Variants in ZNF850 observed in about 807,000 individuals in gnomAD.
The protein encoded by ZNF850 is zinc finger protein 850.
Under a neutral mutation model 11.9 loss-of-function variants are expected in ZNF850, and 2 were observed. The observed-to-expected ratio is 0.17, with a 90% CI of 0.07 to 0.53. ZNF850 has a LOEUF of 0.53. Among genes scored for constraint, ZNF850 ranks in the 20% least tolerant of loss-of-function variants. The pLI is 0.94. For missense variants in ZNF850, 1,014 were observed against 1,316.4 expected, an observed-to-expected ratio of 0.77 and a Z score of 3.55; for synonymous variants, 381 against 443.0, an observed-to-expected ratio of 0.86 and a Z score of 1.76.
At chr19:36,764,253 ATAAAG>A (rs562298536) in intron 1 of ZNF850, among the ~76,000 whole-genome samples, 269 of 152,262 alleles carry the variant, frequency 1.8e-3, no homozygotes, top group African/African-American at 6.1e-3. Context: ...AAAAAATAAA[ATAAAG>A]TAAAATAAAA....
At chr19:36,767,557 C>T (rs938133392) in intron 1 of ZNF850, among the ~76,000 whole-genome samples, 10 of 144,724 alleles carry the variant, frequency 6.9e-5, no homozygotes, top group African/African-American at 2.3e-4. Flanking sequence ...AACTCTATCT[C>T]AAAAAAAAAA....
At chr19:36,752,600 C>G (rs1383270519) in intron 4 of ZNF850, among the ~76,000 whole-genome samples, 1 of 152,018 alleles carries the variant, frequency 6.6e-6, no homozygotes, top group African/African-American at 2.4e-5. Context: ...CAGAAACAAC[C>G]AGATATGTGC....
At chr19:36,755,549 C>T (rs918977098) in intron 4 of ZNF850, among the ~76,000 whole-genome samples, 1 of 151,938 alleles carries the variant, frequency 6.6e-6, no homozygotes, top group African/African-American at 2.4e-5. Flanking sequence ...TAAGTGATGA[C>T]AATAAAAATT....
chr19:36,747,728 A>G lies in ZNF850; in HGVS notation c.*39T>C. 6.9e-7 allele frequency: 1 copy of G among 1,452,282 alleles called. No homozygotes were observed. The highest frequency in any genetic ancestry group is 1.4e-5 in the South Asian group (1 of 69,728). 90.0% of individuals were successfully genotyped at this position (1,452,282 alleles called of 1,614,324 possible). On this transcript the variant is annotated 3_prime_UTR_variant, in exon 5 of 5. Transcript: ENST00000591344. The stretch of plus-strand genomic sequence containing the variant: ...GACCCACATATGGAATCTGCTGATG[A>G]TCCATGACAAATGGCATGAGAACAG...
chr19:36,746,652 G>A lies in ZNF850; in HGVS notation c.*1115C>T, dbSNP rs1478675618. On this transcript the variant is annotated 3_prime_UTR_variant, in exon 5 of 5. Coordinates refer to ENST00000591344, the MANE Select transcript of ZNF850 (RefSeq NM_001193552.2). ...GGCGTGAGCCACCACGCCCGGCTTG[G>A]AATTTCTAATATAAATTGCCCACTG... 1 of 151,960 alleles carries A rather than the reference G, an allele frequency of 6.6e-6. No individual in the cohort carries two copies. Among genetic ancestry groups the A allele is most frequent in the Non-Finnish European group, 1.5e-5 (1 of 68,020 alleles). 9.4% of individuals were successfully genotyped at this position (151,960 alleles called of 1,614,324 possible).
Position 36,762,692 on chromosome 19 carries a change from C to G in ZNF850, c.-69-17G>C, listed in dbSNP as rs1568738575. The G allele has an allele frequency of 7.4e-7, 1 of 1,342,340 alleles. No homozygotes were observed. The highest frequency in any genetic ancestry group is 1.4e-5 in the African/African-American group (1 of 69,048). 83.2% of individuals were successfully genotyped at this position (1,342,340 alleles called of 1,614,324 possible). On this transcript the variant is annotated splice_polypyrimidine_tract_variant and intron_variant, in intron 1 of 4. Transcript: ENST00000591344. ...TGGTTAGAGCTGGGAATGAATAAAA[C>G]ACATTGATATATTATTTCCCAAATA...
chr19:36,743,496 T>C lies in ZNF850; in HGVS notation c.*4271A>G, dbSNP rs2040393811. The C allele has an allele frequency of 6.6e-6, 1 of 151,896 alleles. No homozygotes were observed. Among genetic ancestry groups the C allele is most frequent in the Non-Finnish European group, 1.5e-5 (1 of 68,004 alleles). The allele number at this position is 151,896 out of a possible 1,614,324, so 9.4% of individuals were successfully genotyped here. ...AGGCATATAGAAAGGAATAGGCAAATACTTTTATTTACAAATAATACCAAC... is the reference window on the plus strand; with the variant it reads ...AGGCATATAGAAAGGAATAGGCAAACACTTTTATTTACAAATAATACCAAC... On this transcript the variant is annotated 3_prime_UTR_variant, in exon 5 of 5. Transcript: ENST00000591344.
chr19:36,751,863 A>G (rs2040456306), intron 4 of ZNF850, among the ~76,000 whole-genome samples: 1 of 152,132 alleles, frequency 6.6e-6, no homozygotes, highest in Non-Finnish European at 1.5e-5. Context: ...ATTAATTATG[A>G]CAAATGTACA....
intron 4 of ZNF850, among the ~76,000 whole-genome samples, chr19:36,756,071 AAT>A (rs1304148188): frequency 6.6e-6 from 1 of 151,786 alleles, no homozygotes; most frequent in Non-Finnish European, 1.5e-5. Flanking sequence ...ACACCCAGCT[AAT>A]GTTTGTGTTT....
chr19:36,746,211 T>C lies in ZNF850; in HGVS notation c.*1556A>G, dbSNP rs1364968108. 1 of 152,158 alleles carries C rather than the reference T, an allele frequency of 6.6e-6. No individual in the cohort carries two copies. The highest frequency in any genetic ancestry group is 2.4e-5 in the African/African-American group (1 of 41,440). 9.4% of individuals were successfully genotyped at this position (152,158 alleles called of 1,614,324 possible). On this transcript the variant is annotated 3_prime_UTR_variant, in exon 5 of 5. Coordinates refer to ENST00000591344, the MANE Select transcript of ZNF850 (RefSeq NM_001193552.2). ...ATGTGCTCACTTTGTATCTGTGTCA[T>C]ATTTGGATGATCCCAACAATATTTC...
chr19:36,750,608 A>G lies in ZNF850; in HGVS notation c.432T>C (p.Thr144=). 6.5e-7 allele frequency: 1 copy of G among 1,536,112 alleles called. No homozygotes were observed. The highest frequency in any genetic ancestry group is 8.7e-7 in the Non-Finnish European group (1 of 1,146,920). Residue 144 remains threonine (T), a synonymous_variant, in exon 5 of 5, where the codon ACT becomes ACC. Transcript: ENST00000591344. ...GGCAGAAAGTTGGTGTTGTTTCATAAGTCATTATTGCTTTTTCCAAATATC... is the reference window on the plus strand; with the variant it reads ...GGCAGAAAGTTGGTGTTGTTTCATAGGTCATTATTGCTTTTTCCAAATATC... The part of the protein sequence containing the change: ...QERYLEKAIM[T]YETTPTFCLQ...
chr19:36,755,503 G>A (rs1375109292), intron 4 of ZNF850, among the ~76,000 whole-genome samples: 1 of 152,092 alleles, frequency 6.6e-6, no homozygotes, highest in Non-Finnish European at 1.5e-5. Flanking sequence ...TTACAGGCAT[G>A]AGCCACCGCA....
At position 36,749,405 on chromosome 19, in the gene ZNF850, G is replaced by A; in HGVS notation, c.1635C>T (p.Arg545=). 6.5e-7 allele frequency: 1 copy of A among 1,547,402 alleles called. No homozygotes were observed. Among genetic ancestry groups the A allele is most frequent in the Non-Finnish European group, 8.7e-7 (1 of 1,151,128 alleles). ...CTGCCTGATGTCCAATTAGCCCTGA[G>A]CGAAAAGTAAAAGATTTTCCACATT... ...CKECGKSFTF[R]SGLIGHQAVH... Residue 545 remains arginine, a synonymous_variant, in exon 5 of 5, where the codon CGC becomes CGT. Coordinates refer to ENST00000591344, the MANE Select transcript of ZNF850 (RefSeq NM_001193552.2).
chr19:36,761,172 G>GCT (rs139259081), intron 4 of ZNF850, among the ~76,000 whole-genome samples: 145 of 152,134 alleles, frequency 9.5e-4, no homozygotes, highest in Non-Finnish European at 1.7e-3. Flanking sequence ...AGGCGCAGTG[G>GCT]CTCACACCTG....
At chr19:36,761,370 C>T (rs754642342) in intron 4 of ZNF850, among the ~76,000 whole-genome samples, 7 of 151,658 alleles carry the variant, frequency 4.6e-5, no homozygotes, top group African/African-American at 1.5e-4. Flanking sequence ...AACCTGGGGA[C>T]GGAGGTTGCA....
intron 4 of ZNF850, among the ~76,000 whole-genome samples, chr19:36,758,071 C>T (rs773842311): frequency 6.6e-6 from 1 of 152,186 alleles, no homozygotes; most frequent in Non-Finnish European, 1.5e-5. Flanking sequence ...CTGTATGGAA[C>T]AGCACAGCTT....
At position 36,757,259 on chromosome 19, in the gene ZNF850, G is replaced by A. The variant is rs149511059; in HGVS notation, c.235+4384C>T. 2.2e-4 allele frequency among the ~76,000 whole-genome samples: 34 copies of A among 152,144 alleles called. No homozygotes were observed. The East Asian group carries it at 5.6e-3, about 25-fold the overall frequency. On this transcript the variant is annotated intron_variant, in intron 4 of 4. Coordinates refer to ENST00000591344, the MANE Select transcript of ZNF850 (RefSeq NM_001193552.2). ...TTTCTTAACCCAAATGGGTAGATCC[G>A]TCGTGATTATGTTGGAATTTCAGGA...
intron 4 of ZNF850, among the ~76,000 whole-genome samples, chr19:36,758,922 CA>C (rs5827966): frequency 0.82 from 123,555 of 150,114 alleles, 51,497 homozygotes; most frequent in Non-Finnish European, 0.88. Flanking sequence ...ACTAAAAATA[CA>C]AAAAAAAAAA....
At chr19:36,766,347 C>T (rs1267707831) in intron 1 of ZNF850, among the ~76,000 whole-genome samples, 2 of 151,944 alleles carry the variant, frequency 1.3e-5, no homozygotes, top group Non-Finnish European at 2.9e-5. Context: ...AAAGAGAAAG[C>T]AGAAAAAAGA....
Sources: gnomAD v4.1 joint callset for allele counts (sites outside exome capture counted in the v4.1 genomes callset) on GRCh38, gnomAD v4.1.1 for gene constraint, MANE v1.5 for transcripts, NCBI Gene and HGNC (gene_info 2026-07-23, HGNC 2026-07-21) for gene names.